Variants in AGPS observed in about 807,000 individuals in gnomAD.
The protein encoded by AGPS is alkyldihydroxyacetonephosphate synthase, peroxisomal.
Under a neutral mutation model 90.7 loss-of-function variants are expected in AGPS, and 26 were observed. The ratio of observed to expected loss-of-function variants is 0.29; its 90% CI spans 0.21 to 0.40. The LOEUF (loss-of-function observed/expected upper bound fraction) is 0.40. Among genes scored for constraint, AGPS ranks in the 10% least tolerant of loss-of-function variants. The pLI is 1.00. For missense variants in AGPS, 540 were observed against 816.1 expected, an observed-to-expected ratio of 0.66 and a Z score of 4.12; for synonymous variants, 294 against 285.3, an observed-to-expected ratio of 1.03 and a Z score of -0.31.
At chr2:177,486,152 G>C (rs1688087271) in intron 11 of AGPS, among the ~76,000 whole-genome samples, 1 of 152,160 alleles carries the variant, frequency 6.6e-6, no homozygotes, top group South Asian at 2.1e-4. Flanking sequence ...AGTCCAGATA[G>C]ATAATATTCT....
At chr2:177,462,761 C>G (rs1687338351) in intron 9 of AGPS, among the ~76,000 whole-genome samples, 1 of 151,996 alleles carries the variant, frequency 6.6e-6, no homozygotes, top group Non-Finnish European at 1.5e-5. Flanking sequence ...CATAAATATT[C>G]TAAAATGATT....
intron 13 of AGPS, 53 bp from the exon 14 acceptor site, chr2:177,499,565 T>G: frequency 8.5e-7 from 1 of 1,174,768 alleles, no homozygotes; most frequent in Non-Finnish European, 1.2e-6. Flanking sequence ...TTTTGATTTA[T>G]TGTTTTGTAG....
chr2:177,436,283 C>T (rs1313535548), intron 3 of AGPS, among the ~76,000 whole-genome samples: 1 of 151,602 alleles, frequency 6.6e-6, no homozygotes, highest in African/African-American at 2.4e-5. Context: ...TCCCAAGTAG[C>T]TGGGACTACA....
intron 8 of AGPS, among the ~76,000 whole-genome samples, chr2:177,456,597 A>G (rs1400950928): frequency 6.6e-6 from 1 of 152,174 alleles, no homozygotes; most frequent in Non-Finnish European, 1.5e-5. Flanking sequence ...CATGGGGAAC[A>G]TCTGGTTTTT....
intron 1 of AGPS, among the ~76,000 whole-genome samples, chr2:177,417,381 T>C (rs1388030368): frequency 6.6e-6 from 1 of 152,210 alleles, no homozygotes; most frequent in Non-Finnish European, 1.5e-5. Context: ...AGAAATCTCA[T>C]TGTGTATATG....
chr2:177,451,031 A>T (rs962750848), intron 8 of AGPS, among the ~76,000 whole-genome samples: 2 of 55,606 alleles, frequency 3.6e-5, no homozygotes, highest in Non-Finnish European at 9.4e-5. Context: ...GCACCATCAT[A>T]GCTCACTGTA....
In AGPS at chr2:177,416,798, G is replaced by A. The variant is rs1440552830; in HGVS notation, c.261-3471G>A. Among the ~76,000 whole-genome samples, 5 of 152,076 alleles carry A rather than the reference G, an allele frequency of 3.3e-5. No individual in the cohort carries two copies. In the South Asian group the frequency reaches 8.3e-4, roughly 25 times the overall value. ...CCCACCTTGGCCTCCCAAAGTGCTA[G>A]GATTACAGGTGTGAGCCACTGTGCC... On this transcript the variant is annotated intron_variant, in intron 1 of 19. Transcript: ENST00000264167.
Position 177,437,051 on chromosome 2 carries a change from C to A in AGPS, c.634C>A (p.Pro212Thr). The change falls in exon 5 of 20, where the codon CCA (proline) becomes ACA (threonine). Residue 212 changes from proline (P) to threonine (T), a missense_variant. Pro to Thr is a conservative substitution (Grantham distance 38). Around this residue, in one of 2 missense-constraint regions of AGPS, gnomAD observed 405 missense variants for 692.1 expected, o/e 0.59. Transcript: ENST00000264167. ...FERIPDIVLW[P>T]TCHDDVVKIV... ...GCGAATTCCTGATATAGTTTTATGG[C>A]CAAGTAAGTTTTCCCCTCCTCGTAT... 6.2e-7 allele frequency: 1 copy of A among 1,613,080 alleles called. No homozygotes were observed. The highest frequency in any genetic ancestry group is 8.5e-7 in the Non-Finnish European group (1 of 1,179,454).
chr2:177,440,162 A>G lies in AGPS; in HGVS notation c.638-803A>G, dbSNP rs375535903. On this transcript the variant is annotated intron_variant, in intron 5 of 19. Transcript: ENST00000264167. ...GTCACTAGGTTTTCCCACTATAAGG[A>G]TACTGTGTTTCTTGTTGAAATTAAT... Among the ~76,000 whole-genome samples, 10 of 152,236 alleles carry G rather than the reference A, an allele frequency of 6.6e-5. No homozygotes were observed. The East Asian group carries it at 1.7e-3, about 26-fold the overall frequency.
chr2:177,436,139 A>ATTTTTTTTTTTTTTTTTTT (rs1172040227), intron 3 of AGPS, among the ~76,000 whole-genome samples: 2 of 82,122 alleles, frequency 2.4e-5, no homozygotes, highest in African/African-American at 4.7e-5. Flanking sequence ...GAAATGCTGA[A>ATTTTTTTTTTTTTTTTTTT]TTTTTTTTTT....
At chr2:177,484,743 A>G (rs1443363771) in intron 11 of AGPS, among the ~76,000 whole-genome samples, 3 of 151,870 alleles carry the variant, frequency 2.0e-5, no homozygotes, top group African/African-American at 7.3e-5. Flanking sequence ...TAATTTTATG[A>G]AAAAAAATAT....
intron 19 of AGPS, among the ~76,000 whole-genome samples, chr2:177,530,034 TTAA>T (rs940639112): frequency 3.9e-5 from 6 of 152,202 alleles, no homozygotes; most frequent in Admixed American, 6.5e-5. Context: ...TTGTTTGTTT[TTAA>T]TAATAGCAAT....
chr2:177,491,511 G>A (rs898475237), intron 11 of AGPS, among the ~76,000 whole-genome samples: 4 of 145,416 alleles, frequency 2.8e-5, no homozygotes, highest in African/African-American at 7.7e-5. Context: ...TCCTGACCTC[G>A]GGCAGTCTGC....
intron 19 of AGPS, among the ~76,000 whole-genome samples, chr2:177,534,734 G>A (rs2079168435): frequency 6.6e-6 from 1 of 151,438 alleles, no homozygotes; most frequent in Non-Finnish European, 1.5e-5. Context: ...CTGCAGATGC[G>A]TGCCGCCACA....
chr2:177,523,951 C>G, intron 19 of AGPS, 146 bp downstream of exon 19: 3 of 740,074 alleles, frequency 4.1e-6, no homozygotes, highest in Non-Finnish European at 6.9e-6. Context: ...ATAGCTGTTA[C>G]TGAGGTAGAT....
intron 11 of AGPS, among the ~76,000 whole-genome samples, chr2:177,488,341 T>C (rs1365739578): frequency 6.6e-6 from 1 of 151,846 alleles, no homozygotes; most frequent in Non-Finnish European, 1.5e-5. Context: ...GGCTCCTGAG[T>C]AGCTGGGACT....
At chr2:177,448,732 G>A (rs1459219834) in intron 8 of AGPS, among the ~76,000 whole-genome samples, 3 of 151,870 alleles carry the variant, frequency 2.0e-5, no homozygotes, top group East Asian at 1.9e-4. Context: ...GATAAGTTTC[G>A]ACATATGAAT....
At chr2:177,401,335 G>C (rs1041874618) in intron 1 of AGPS, among the ~76,000 whole-genome samples, 1 of 151,986 alleles carries the variant, frequency 6.6e-6, no homozygotes, top group Non-Finnish European at 1.5e-5. Flanking sequence ...ATTCTTTTAA[G>C]ATCGAACTTT....
chr2:177,408,832 C>CT (rs1685541088), intron 1 of AGPS, among the ~76,000 whole-genome samples: 1 of 152,158 alleles, frequency 6.6e-6, no homozygotes, highest in Admixed American at 6.5e-5. Flanking sequence ...GATGAGGCTT[C>CT]TATTCTTAAC....
Sources: allele counts gnomAD v4.1 joint callset (sites outside exome capture counted in the v4.1 genomes callset), GRCh38; gene constraint gnomAD v4.1.1; regional missense constraint gnomAD v4.1.1; transcripts MANE v1.5; gene names NCBI Gene and HGNC (gene_info 2026-07-23, HGNC 2026-07-21).